The following KCNB2 variants were observed in gnomAD, a reference collection of about 807,000 sequenced individuals.
The protein encoded by KCNB2 is delayed rectifier potassium channel protein.
KCNB2 carries 15 observed loss-of-function variants against 61.5 expected under a neutral mutation model. The ratio of observed to expected loss-of-function variants is 0.24; its 90% CI spans 0.16 to 0.38. KCNB2 has a LOEUF of 0.38. Among genes scored for constraint, KCNB2 ranks in the 10% least tolerant of loss-of-function variants. The probability of loss-of-function intolerance (pLI) is 1.00; values close to 1 mark genes in which losing one functional copy is unlikely to be tolerated. For missense variants in KCNB2, 828 were observed against 1,125.2 expected (o/e 0.74, Z 3.78); for synonymous variants, 457 against 446.0 (o/e 1.02, Z -0.31).
chr8:72,886,849 C>G (rs983538095), intron 2 of KCNB2, among the ~76,000 whole-genome samples: 3 of 152,226 alleles, frequency 2.0e-5, no homozygotes, highest in Admixed American at 6.5e-5. Context: ...TCCAGTGGCA[C>G]TGAAGAGAGA....
chr8:72,904,127 T>C lies in KCNB2; in HGVS notation c.580-31808T>C, dbSNP rs914505453. Among the ~76,000 whole-genome samples, 13 of 152,290 alleles carry C rather than the reference T, an allele frequency of 8.5e-5. No homozygotes were observed. The East Asian group carries it at 2.5e-3, about 29-fold the overall frequency. On this transcript the variant is annotated intron_variant, in intron 2 of 2. Transcript: ENST00000523207. ...TTTTCTATTTTCATCTATTACTATC[T>C]TTATCTAAATGCCTTACTCTTGTAT... is the stretch of plus-strand genomic sequence containing the variant.
chr8:72,635,756 G>A (rs1171154169), intron 2 of KCNB2, among the ~76,000 whole-genome samples: 1 of 152,176 alleles, frequency 6.6e-6, no homozygotes, highest in African/African-American at 2.4e-5. Context: ...AAGCATCTCT[G>A]TCAACAAAGA....
intron 2 of KCNB2, among the ~76,000 whole-genome samples, chr8:72,861,441 G>A (rs1805406092): frequency 6.6e-6 from 1 of 152,322 alleles, no homozygotes; most frequent in East Asian, 1.9e-4. Flanking sequence ...CCCGAGGCTG[G>A]TCTTGAGAGA....
intron 2 of KCNB2, among the ~76,000 whole-genome samples, chr8:72,909,429 C>T (rs1357467595): frequency 6.6e-6 from 1 of 151,970 alleles, no homozygotes; most frequent in East Asian, 1.9e-4. Context: ...AGAGGAGCGG[C>T]AGGAAGGCAC....
At chr8:72,640,404 G>C (rs1005958566) in intron 2 of KCNB2, among the ~76,000 whole-genome samples, 1 of 151,756 alleles carries the variant, frequency 6.6e-6, no homozygotes, top group Admixed American at 6.6e-5. Context: ...CTTTATTATG[G>C]TCATCAGTGA....
chr8:72,847,161 C>A (rs1235069783), intron 2 of KCNB2, among the ~76,000 whole-genome samples: 1 of 152,156 alleles, frequency 6.6e-6, no homozygotes, highest in Non-Finnish European at 1.5e-5. Flanking sequence ...AGCCACCTTG[C>A]CAGACTGGGG....
intron 1 of KCNB2, among the ~76,000 whole-genome samples, chr8:72,561,796 T>TGTATATAC (rs1806540866): frequency 4.8e-5 from 6 of 126,036 alleles, no homozygotes. Context: ...TATACATATA[T>TGTATATAC]ATATATATGA....
intron 2 of KCNB2, among the ~76,000 whole-genome samples, chr8:72,772,904 C>T (rs2128997309): frequency 6.6e-6 from 1 of 152,288 alleles, no homozygotes; most frequent in South Asian, 2.1e-4. Context: ...CAATGCCTGT[C>T]TCTGAGATGT....
chr8:72,597,624 C>A (rs1455119721), intron 2 of KCNB2, among the ~76,000 whole-genome samples: 1 of 152,144 alleles, frequency 6.6e-6, no homozygotes, highest in African/African-American at 2.4e-5. Flanking sequence ...AGAGGTAGAG[C>A]ATTTTATTCA....
At chr8:72,565,597 A>C (rs1047901855) in intron 1 of KCNB2, among the ~76,000 whole-genome samples, 2 of 152,038 alleles carry the variant, frequency 1.3e-5, no homozygotes, top group Admixed American at 1.3e-4. Flanking sequence ...CAAGAGCAGT[A>C]ATGCTTTAAA....
intron 2 of KCNB2, among the ~76,000 whole-genome samples, chr8:72,776,890 A>G (rs142406084): frequency 0.012 from 1,899 of 152,218 alleles, 17 homozygotes; most frequent in Non-Finnish European, 0.019. Flanking sequence ...TTGATTGGAA[A>G]ATGAGAGGGT....
chr8:72,846,578 C>CCT, intron 2 of KCNB2, among the ~76,000 whole-genome samples: 1 of 149,634 alleles, frequency 6.7e-6, no homozygotes, highest in South Asian at 2.1e-4. Context: ...AAAAAAAAAA[C>CCT]CATCAAAAAG....
intron 1 of KCNB2, among the ~76,000 whole-genome samples, chr8:72,556,643 T>C (rs1211015029): frequency 1.3e-5 from 2 of 152,166 alleles, no homozygotes; most frequent in Non-Finnish European, 2.9e-5. Context: ...TTAAATTAAT[T>C]CCATAATACC....
At chr8:72,712,301 G>A (rs1807338865) in intron 2 of KCNB2, among the ~76,000 whole-genome samples, 1 of 152,198 alleles carries the variant, frequency 6.6e-6, no homozygotes, top group African/African-American at 2.4e-5. Context: ...CCTACCCCCA[G>A]TCTTACTGGT....
At chr8:72,541,498 A>T (rs1806186635) in intron 1 of KCNB2, among the ~76,000 whole-genome samples, 1 of 152,228 alleles carries the variant, frequency 6.6e-6, no homozygotes, top group Non-Finnish European at 1.5e-5. Flanking sequence ...TCACTTAACC[A>T]CTATGATATT....
rs558305687 is a variant in KCNB2, at chr8:72,855,397, A to G, written c.580-80538A>G. Among the ~76,000 whole-genome samples, 37 of 152,282 alleles carry G rather than the reference A, an allele frequency of 2.4e-4. No homozygotes were observed. In the South Asian group the frequency reaches 2.5e-3, roughly 10 times the overall value. ...GTTTTCAGCAAAGTTGGTGCATACC[A>G]TAATGTTTCAGTCTTCTGGCCTTTC... is the stretch of plus-strand genomic sequence containing the variant. On this transcript the variant is annotated intron_variant, in intron 2 of 2. Coordinates refer to ENST00000523207, the MANE Select transcript of KCNB2 (RefSeq NM_004770.3).
chr8:72,871,446 G>A (rs1220107781), intron 2 of KCNB2, among the ~76,000 whole-genome samples: 8 of 152,140 alleles, frequency 5.3e-5, no homozygotes, highest in African/African-American at 1.9e-4. Flanking sequence ...TCATGAGAAG[G>A]AGATCACAAC....
intron 2 of KCNB2, among the ~76,000 whole-genome samples, chr8:72,648,572 C>CTTTTT (rs36081843): frequency 1.4e-5 from 2 of 144,002 alleles, no homozygotes; most frequent in African/African-American, 5.1e-5. Flanking sequence ...CCACACCTGG[C>CTTTTT]TTTTTTTTTT....
intron 2 of KCNB2, among the ~76,000 whole-genome samples, chr8:72,690,623 C>A (rs1488476533): frequency 6.6e-6 from 1 of 152,148 alleles, no homozygotes; most frequent in Non-Finnish European, 1.5e-5. Context: ...TGGAAGTGCC[C>A]AGTTTCAGGT....
Sources: gnomAD v4.1 joint callset for allele counts (sites outside exome capture counted in the v4.1 genomes callset) on GRCh38, gnomAD v4.1.1 for gene constraint, MANE v1.5 for transcripts, NCBI Gene and HGNC (gene_info 2026-07-23, HGNC 2026-07-21) for gene names.